The following WNT4 variants were observed in gnomAD, a reference collection of about 807,000 sequenced individuals.
The protein encoded by WNT4 is protein Wnt-4.
In WNT4, 16 loss-of-function variants were observed where a neutral mutation model predicts 34.5. The observed-to-expected ratio is 0.46, with a 90% confidence interval of 0.31 to 0.70. The LOEUF is 0.70. Ranked by LOEUF, WNT4 falls within the 30% of genes least tolerant of loss-of-function variation. The pLI, the probability that WNT4 is intolerant of heterozygous loss-of-function variation, is 0.04. For synonymous variants in WNT4, 200 were observed against 211.9 expected (o/e 0.94, Z 0.49); for missense variants, 379 against 495.9 (o/e 0.76, Z 2.24).
chr1:22,120,073 C>T lies in WNT4; in HGVS notation c.1033G>A (p.Val345Met), dbSNP rs201176310. ...GGTCATCGGCACGTGTGCAACTCCA[C>T]GAGCCGCTGGCACTGCCGGCACTTG... ...FVKCRQCQRLVELHTCR is the reference protein window; with the variant it reads ...FVKCRQCQRLMELHTCR Residue 345 changes from valine to methionine, a missense_variant, in exon 5 of 5, where the codon GTG becomes ATG. By Grantham distance (21) the Val-to-Met change is conservative. Around this residue, in one of 2 missense-constraint regions of WNT4, gnomAD observed 313 missense variants for 445.8 expected, o/e 0.70. Coordinates refer to ENST00000290167, the MANE Select transcript of WNT4 (RefSeq NM_030761.5). 34 of 1,601,516 alleles carry T rather than the reference C, an allele frequency of 2.1e-5. No homozygotes were observed. The highest frequency in any genetic ancestry group is 6.8e-5 in the Admixed American group (4 of 58,508).
At chr1:22,123,832 CCCA>C (rs1645921435) in intron 2 of WNT4, among the ~76,000 whole-genome samples, 1 of 152,200 alleles carries the variant, frequency 6.6e-6, no homozygotes, top group African/African-American at 2.4e-5. Context: ...TTAGGTCCAC[CCCA>C]AACTTCACAT....
Position 22,142,987 on chromosome 1 carries a change from T to A in WNT4, c.-65A>T. The A allele has an allele frequency of 1.1e-6, 1 of 897,482 alleles. No homozygotes were observed. Among genetic ancestry groups the A allele is most frequent in the African/African-American group, 1.8e-5 (1 of 54,176 alleles). 55.6% of individuals were successfully genotyped at this position (897,482 alleles called of 1,614,324 possible). ...GCCGCGGGGGGCCTCCCGTCGGGGC[T>A]GCAGGTGGGCGCCCGCGGGCGGGCC... On this transcript the variant is annotated 5_prime_UTR_variant, in exon 1 of 5. Coordinates refer to ENST00000290167, the MANE Select transcript of WNT4 (RefSeq NM_030761.5). The surrounding 1 kb of genome is among the most constrained non-coding windows in gnomAD (Gnocchi z 6.0).
At position 22,134,071 on chromosome 1, in the gene WNT4, C is replaced by T. The variant is rs527475495; in HGVS notation, c.78-4220G>A. ...GAGAGGGGACGGGAAATAGCTGGAG[C>T]GTTTGGGAGGCCAAGCAGATCAGTG... On this transcript the variant is annotated intron_variant, in intron 1 of 4. Coordinates refer to ENST00000290167, the MANE Select transcript of WNT4 (RefSeq NM_030761.5). The surrounding 1 kb of genome is among the most constrained non-coding windows in gnomAD (Gnocchi z 4.1). 7.2e-5 allele frequency among the ~76,000 whole-genome samples: 11 copies of T among 152,342 alleles called. No homozygotes were observed. The highest frequency in any genetic ancestry group is 1.3e-4 in the Non-Finnish European group (9 of 68,036).
At chr1:22,138,681 T>C (rs1646041725) in intron 1 of WNT4, among the ~76,000 whole-genome samples, 1 of 152,050 alleles carries the variant, frequency 6.6e-6, no homozygotes, top group Admixed American at 6.5e-5. Flanking sequence ...TTTTTGACTA[T>C]TTAGAGGGGA....
intron 1 of WNT4, among the ~76,000 whole-genome samples, chr1:22,130,201 C>T (rs1228645355): frequency 6.6e-6 from 1 of 152,204 alleles, no homozygotes; most frequent in Non-Finnish European, 1.5e-5. Context: ...TGGGATCCCA[C>T]TGTTCCCTGC....
At chr1:22,128,454 TC>T (rs1645956717) in intron 2 of WNT4, among the ~76,000 whole-genome samples, 1 of 152,178 alleles carries the variant, frequency 6.6e-6, no homozygotes, top group Non-Finnish European at 1.5e-5. Flanking sequence ...GGAGGAGACT[TC>T]CAGTTCCATA....
In WNT4 at chr1:22,143,012, C is replaced by G; in HGVS notation, c.-90G>C. On this transcript the variant is annotated 5_prime_UTR_variant, in exon 1 of 5. Coordinates refer to ENST00000290167, the MANE Select transcript of WNT4 (RefSeq NM_030761.5). ...TGCAGGTGGGCGCCCGCGGGCGGGCCGGGGCGCGCGCGGCGGGGCTCTGCC... is the reference window on the plus strand; with the variant it reads ...TGCAGGTGGGCGCCCGCGGGCGGGCGGGGGCGCGCGCGGCGGGGCTCTGCC... The G allele has an allele frequency of 5.8e-6, 3 of 513,164 alleles. No homozygotes were observed. Among genetic ancestry groups the G allele is most frequent in the Non-Finnish European group, 7.4e-6 (3 of 402,990 alleles). 31.8% of individuals were successfully genotyped at this position (513,164 alleles called of 1,614,324 possible).
chr1:22,119,798 C>T lies in WNT4; in HGVS notation c.*252G>A, dbSNP rs894243602. ...CTGAGTGGTCAGTGGCAGCCACATGCGGGCAGCCAGCGGCACGAGCAAGGT... is the reference window on the plus strand; with the variant it reads ...CTGAGTGGTCAGTGGCAGCCACATGTGGGCAGCCAGCGGCACGAGCAAGGT... On this transcript the variant is annotated 3_prime_UTR_variant, in exon 5 of 5. Transcript: ENST00000290167. 1.2e-5 allele frequency: 7 copies of T among 576,844 alleles called. No homozygotes were observed. Among genetic ancestry groups the T allele is most frequent in the Middle Eastern group, 4.6e-4 (1 of 2,162 alleles). 35.7% of individuals were successfully genotyped at this position (576,844 alleles called of 1,614,324 possible). A position where few individuals can be genotyped will look rare whatever the true frequency, so the allele number is the denominator to read the frequency against.
chr1:22,125,812 C>A (rs1645936260), intron 2 of WNT4, among the ~76,000 whole-genome samples: 2 of 152,150 alleles, frequency 1.3e-5, no homozygotes, highest in Admixed American at 6.5e-5. Context: ...CCCAGGCACA[C>A]CTTTGCCAGG....
In WNT4 at chr1:22,134,646, C is replaced by T. The variant is rs1646008412; in HGVS notation, c.78-4795G>A. On this transcript the variant is annotated intron_variant, in intron 1 of 4. Coordinates refer to ENST00000290167, the MANE Select transcript of WNT4 (RefSeq NM_030761.5). This position sits in a 1 kb window ranked among gnomAD's most constrained non-coding sequence, Gnocchi z 4.1. ...TCTGTAAAGTGGGGAGACTGGAATT[C>T]CTGCACGCAGGAGGCCTAAATGAAT... 6.6e-6 allele frequency among the ~76,000 whole-genome samples: 1 copy of T among 152,174 alleles called. No homozygotes were observed. The highest frequency in any genetic ancestry group is 2.4e-5 in the African/African-American group (1 of 41,448).
rs1004883733 is a variant in WNT4, at chr1:22,120,568, C to T, written c.589-51G>A. Reference sequence around the variant, plus strand: ...GCCATCAGGAGATGGCAAGGGAAGGCAGGGGAGGGCCGCGGAGGCTGACAG... The same window carrying T: ...GCCATCAGGAGATGGCAAGGGAAGGTAGGGGAGGGCCGCGGAGGCTGACAG... On this transcript the variant is annotated intron_variant, in intron 4 of 4. Coordinates refer to ENST00000290167, the MANE Select transcript of WNT4 (RefSeq NM_030761.5). 4 of 1,551,370 alleles carry T rather than the reference C, an allele frequency of 2.6e-6. No individual in the cohort carries two copies. The African/African-American group carries it at 4.1e-5, about 16-fold the overall frequency.
Position 22,142,814 on chromosome 1 carries a change from GC to G in WNT4, c.77+31del. 9.3e-7 allele frequency: 1 copy of G among 1,072,030 alleles called. No individual in the cohort carries two copies. The allele number at this position is 1,072,030 out of a possible 1,614,324, so 66.4% of individuals were successfully genotyped here. ...CTGCCCCCGGGGCCTGCCCCGCCCC[GC>G]CCCGCCCCGCTCGGCCCCGGCCAGA... On this transcript the variant is annotated intron_variant, in intron 1 of 4. Transcript: ENST00000290167. The surrounding 1 kb of genome is among the most constrained non-coding windows in gnomAD (Gnocchi z 6.0).
chr1:22,135,638 T>A (rs10799737), intron 1 of WNT4, among the ~76,000 whole-genome samples: 2 of 152,034 alleles, frequency 1.3e-5, no homozygotes, highest in South Asian at 2.1e-4. Context: ...CTGTGGTCTC[T>A]GTAGCTGTTG....
chr1:22,128,090 G>A (rs1384175782), intron 2 of WNT4, among the ~76,000 whole-genome samples: 1 of 152,216 alleles, frequency 6.6e-6, no homozygotes, highest in Non-Finnish European at 1.5e-5. Context: ...CTGCCAGGCT[G>A]CTCACTGGGT....
At chr1:22,124,915 C>T (rs995206849) in intron 2 of WNT4, among the ~76,000 whole-genome samples, 6 of 152,152 alleles carry the variant, frequency 3.9e-5, no homozygotes, top group Non-Finnish European at 8.8e-5. Flanking sequence ...CCAGGATAAC[C>T]TTATCCCCCA....
In WNT4 at chr1:22,129,675, C is replaced by T. The variant is rs781558840; in HGVS notation, c.254G>A (p.Arg85Gln). Residue 85 changes from arginine to glutamine, a missense_variant, in exon 2 of 5, where the codon CGG becomes CAG. Physicochemically the swap from Arg to Gln is conservative, Grantham distance 43. Around this residue, in one of 2 missense-constraint regions of WNT4, gnomAD observed 313 missense variants for 445.8 expected, o/e 0.70. Coordinates refer to ENST00000290167, the MANE Select transcript of WNT4 (RefSeq NM_030761.5). ...IEECQYQFRN[R>Q]RWNCSTLDSL... Reference sequence around the variant, plus strand: ...GTCGAGTGTGGAGCAGTTCCAGCGCCGGTTCCGGAACTGGTACTGGCACTC... The same window carrying T: ...GTCGAGTGTGGAGCAGTTCCAGCGCTGGTTCCGGAACTGGTACTGGCACTC... 5.0e-6 allele frequency: 8 copies of T among 1,613,884 alleles called. No homozygotes were observed. Among genetic ancestry groups the T allele is most frequent in the East Asian group, 4.5e-5 (2 of 44,872 alleles).
rs190231992 is a variant in WNT4 at position 22,117,334 on chromosome 1, G to C, written c.*2716C>G. 1 of 152,302 alleles carries C rather than the reference G, an allele frequency of 6.6e-6. No individual in the cohort carries two copies. Among genetic ancestry groups the C allele is most frequent in the African/African-American group, 2.4e-5 (1 of 41,556 alleles). The allele number at this position is 152,302 out of a possible 1,614,324, so 9.4% of individuals were successfully genotyped here. ...AAGATAAAGAAATAATTGTTTTATC[G>C]TGCATCAGACTATGTCATGGGACGT... is the stretch of plus-strand genomic sequence containing the variant. On this transcript the variant is annotated 3_prime_UTR_variant, in exon 5 of 5. Coordinates refer to ENST00000290167, the MANE Select transcript of WNT4 (RefSeq NM_030761.5).
rs1221849522 is a variant in WNT4, at chr1:22,119,535, C to A, written c.*515G>T. 5.6e-6 allele frequency: 1 copy of A among 179,402 alleles called. No homozygotes were observed. Among genetic ancestry groups the A allele is most frequent in the Non-Finnish European group, 1.2e-5 (1 of 83,278 alleles). 11.1% of individuals were successfully genotyped at this position (179,402 alleles called of 1,614,324 possible). On this transcript the variant is annotated 3_prime_UTR_variant, in exon 5 of 5. Transcript: ENST00000290167. ...GACCTGGTATCTGCTTGTTCCCTTTCTCAGGGCATTTGAGAGACATGGCTT... is the reference window on the plus strand; with the variant it reads ...GACCTGGTATCTGCTTGTTCCCTTTATCAGGGCATTTGAGAGACATGGCTT...
intron 1 of WNT4, among the ~76,000 whole-genome samples, chr1:22,138,411 C>A (rs923002304): frequency 3.3e-5 from 5 of 152,098 alleles, no homozygotes; most frequent in African/African-American, 9.7e-5. Context: ...TGCCCGCCCC[C>A]CAGGGGACAT....
Sources: gnomAD v4.1 joint callset for allele counts (sites outside exome capture counted in the v4.1 genomes callset) on GRCh38, gnomAD v4.1.1 for gene constraint, gnomAD v4.1.1 regional missense constraint, Gnocchi (gnomAD v3.1) non-coding constraint, MANE v1.5 for transcripts, NCBI Gene and HGNC (gene_info 2026-07-23, HGNC 2026-07-21) for gene names.